The following LOXL2 variants were observed in gnomAD, a reference collection of about 807,000 sequenced individuals.
LOXL2 encodes the protein lysyl oxidase like 2, also known as lysyl oxidase homolog 2.
In LOXL2, 70 loss-of-function variants were observed where a neutral mutation model predicts 93.0. The ratio of observed to expected loss-of-function variants is 0.75; its 90% CI spans 0.62 to 0.92. LOXL2 has a LOEUF of 0.92. LOXL2 is among the 40% of genes least tolerant of loss of function. LOXL2 has a pLI of 0.00. For missense variants in LOXL2, 973 were observed against 1,054.9 expected (o/e 0.92, Z 1.08); for synonymous variants, 438 against 413.2 (o/e 1.06, Z -0.73).
chr8:23,363,572 ATGG>A (rs1804339931), intron 2 of LOXL2: 1 of 152,204 alleles, frequency 6.6e-6, no homozygotes, highest in Non-Finnish European at 1.5e-5. Context: ...AGTGACAGAG[ATGG>A]TGAAAAGCAG....
At chr8:23,319,336 C>T (rs535160007) in intron 8 of LOXL2, among the ~76,000 whole-genome samples, 1 of 152,266 alleles carries the variant, frequency 6.6e-6, no homozygotes, top group Admixed American at 6.5e-5. Context: ...GAGTCACTCT[C>T]TTTGGAGAGG....
At chr8:23,400,896 C>T (rs1165498782) in intron 1 of LOXL2, among the ~76,000 whole-genome samples, 1 of 152,194 alleles carries the variant, frequency 6.6e-6, no homozygotes, top group Non-Finnish European at 1.5e-5. Flanking sequence ...CCCTGGCTTC[C>T]TGATTTTGCA....
intron 7 of LOXL2, among the ~76,000 whole-genome samples, chr8:23,320,800 G>A (rs1171248712): frequency 5.9e-5 from 9 of 152,096 alleles, no homozygotes; most frequent in African/African-American, 1.4e-4. Context: ...TGTAGTCCCC[G>A]CTACTCGGGA....
intron 10 of LOXL2, 43 bp downstream of exon 10, chr8:23,309,625 T>G: frequency 7.3e-7 from 1 of 1,372,630 alleles, no homozygotes; most frequent in Non-Finnish European, 9.5e-7. Context: ...CTGCAGGATG[T>G]CCGCCGGGCA....
chr8:23,347,749 G>A (rs1331520362), intron 3 of LOXL2, among the ~76,000 whole-genome samples: 1 of 152,078 alleles, frequency 6.6e-6, no homozygotes, highest in Non-Finnish European at 1.5e-5. Context: ...CAGGAGGATA[G>A]CTTGAGGCCA....
intron 1 of LOXL2, among the ~76,000 whole-genome samples, chr8:23,384,862 C>T (rs768837225): frequency 7.2e-5 from 11 of 151,904 alleles, no homozygotes; most frequent in African/African-American, 9.7e-5. Context: ...TGCAGTGAGC[C>T]GAGATTACAC....
At chr8:23,379,985 A>G (rs112053222) in intron 1 of LOXL2, among the ~76,000 whole-genome samples, 7,073 of 152,276 alleles carry the variant, frequency 0.046, 523 homozygotes, top group African/African-American at 0.16. Flanking sequence ...AGATGAACCA[A>G]GTACCTCAGT....
At chr8:23,337,688 G>C (rs1327315401) in intron 4 of LOXL2, among the ~76,000 whole-genome samples, 3 of 152,134 alleles carry the variant, frequency 2.0e-5, no homozygotes, top group Non-Finnish European at 4.4e-5. Context: ...GTCAGTATTG[G>C]GATCCTACTT....
chr8:23,311,356 G>A (rs958953497), intron 9 of LOXL2, among the ~76,000 whole-genome samples: 11 of 152,224 alleles, frequency 7.2e-5, no homozygotes, highest in African/African-American at 2.2e-4. Context: ...TAAATCAGGA[G>A]GCTCCCGTTT....
Position 23,379,679 on chromosome 8 carries a change from G to C in LOXL2, c.-83-11245C>G, listed in dbSNP as rs182817868. On this transcript the variant is annotated intron_variant, in intron 1 of 13. Transcript: ENST00000389131. ...CCGCCTTGCTGCCTCCTTGCAGTTC[G>C]ATCTCAGACTGCTGTGCTAGCAATG... 9.9e-4 allele frequency among the ~76,000 whole-genome samples: 150 copies of C among 152,196 alleles called. 3 individuals carry two copies. In the East Asian group the frequency reaches 0.027, roughly 27 times the overall value.
rs531479206 is a variant in LOXL2, at chr8:23,331,185, C to T, written c.966+2216G>A. On this transcript the variant is annotated intron_variant, in intron 5 of 13. Coordinates refer to ENST00000389131, the MANE Select transcript of LOXL2 (RefSeq NM_002318.3). ...GCAGGTCTCAACAAAGAGGGGAGAC[C>T]GGGGAGGGGAGAGGGGAAAGAGGGA... is the stretch of plus-strand genomic sequence containing the variant. Among the ~76,000 whole-genome samples the T allele has an allele frequency of 5.2e-4, 79 of 152,048 alleles. No homozygotes were observed. The South Asian group carries it at 0.014, about 27-fold the overall frequency.
At chr8:23,378,024 C>T (rs538011031) in intron 1 of LOXL2, among the ~76,000 whole-genome samples, 116 of 152,312 alleles carry the variant, frequency 7.6e-4, no homozygotes, top group African/African-American at 2.7e-3. Context: ...GATGTAGTTT[C>T]TTCCTAGCAT....
At chr8:23,359,895 G>C (rs1174846584) in intron 3 of LOXL2, among the ~76,000 whole-genome samples, 195 bp downstream of exon 3, 1 of 152,112 alleles carries the variant, frequency 6.6e-6, no homozygotes, top group African/African-American at 2.4e-5. Context: ...CCTTGTGCCT[G>C]GAATGCCCTT....
At chr8:23,388,575 C>G (rs1256731997) in intron 1 of LOXL2, among the ~76,000 whole-genome samples, 1 of 150,978 alleles carries the variant, frequency 6.6e-6, no homozygotes, top group Non-Finnish European at 1.5e-5. Context: ...GGCGACAGAG[C>G]TGGGACTTGT....
chr8:23,302,864 G>A (rs931568133), intron 11 of LOXL2, among the ~76,000 whole-genome samples: 1 of 152,182 alleles, frequency 6.6e-6, no homozygotes, highest in Non-Finnish European at 1.5e-5. Context: ...GGGCGCTTCA[G>A]AGGAGGGCAT....
intron 12 of LOXL2, among the ~76,000 whole-genome samples, chr8:23,301,261 C>T (rs535761521): frequency 6.6e-6 from 1 of 152,216 alleles, no homozygotes; most frequent in Non-Finnish European, 1.5e-5. Flanking sequence ...CTGCAGGCTA[C>T]GTGTACCCGT....
At chr8:23,324,312 A>G (rs571357768) in intron 6 of LOXL2, among the ~76,000 whole-genome samples, 35 of 152,264 alleles carry the variant, frequency 2.3e-4, no homozygotes, top group Non-Finnish European at 1.2e-4. Context: ...GCTGTCTCAG[A>G]CATCTGGGGA....
At position 23,320,067 on chromosome 8, in the gene LOXL2, G is replaced by T. The variant is rs1803470230; in HGVS notation, c.1303-15C>A. On this transcript the variant is annotated splice_polypyrimidine_tract_variant and intron_variant, in intron 7 of 13. Transcript: ENST00000389131. ...TTCAGGCGCAGCTGCAGACACAAAG[G>T]CAGGCCACGGTCACCAAGAGGGACA... 1 of 1,612,892 alleles carries T rather than the reference G, an allele frequency of 6.2e-7. No homozygotes were observed.
intron 10 of LOXL2, among the ~76,000 whole-genome samples, chr8:23,306,141 G>A (rs941047031): frequency 1.3e-5 from 2 of 152,142 alleles, no homozygotes; most frequent in African/African-American, 2.4e-5. Flanking sequence ...CATGGCACTC[G>A]TCAAGGGAGG....
Sources: gnomAD v4.1 joint callset for allele counts (sites outside exome capture counted in the v4.1 genomes callset) on GRCh38, gnomAD v4.1.1 for gene constraint, MANE v1.5 for transcripts, NCBI Gene and HGNC (gene_info 2026-07-23, HGNC 2026-07-21) for gene names.